GRM7: variants seen among roughly 807,000 people sequenced by gnomAD.
The protein encoded by GRM7 is metabotropic glutamate receptor 7.
A neutral mutation model predicts 84.5 loss-of-function variants in GRM7; 35 were observed. The ratio of observed to expected loss-of-function variants is 0.41; its 90% CI spans 0.32 to 0.55. The LOEUF (loss-of-function observed/expected upper bound fraction) is 0.55, where lower values mean the gene tolerates loss of function less well. Ranked by LOEUF, GRM7 falls within the 20% of genes least tolerant of loss-of-function variation. The probability of loss-of-function intolerance (pLI) is 0.19; values close to 1 mark genes in which losing one functional copy is unlikely to be tolerated. For synonymous variants in GRM7, 487 were observed against 455.1 expected (o/e 1.07, Z -0.89); for missense variants, 1,003 against 1,194.6 (o/e 0.84, Z 2.36).
At chr3:6,913,163 T>C (rs1268627281) in intron 1 of GRM7, among the ~76,000 whole-genome samples, 1 of 152,190 alleles carries the variant, frequency 6.6e-6, no homozygotes, top group Non-Finnish European at 1.5e-5. Flanking sequence ...TTTTAATATA[T>C]GTAGCTATAT....
At chr3:7,207,786 A>G (rs1252829385) in intron 2 of GRM7, among the ~76,000 whole-genome samples, 2 of 152,218 alleles carry the variant, frequency 1.3e-5, no homozygotes, top group Non-Finnish European at 2.9e-5. Flanking sequence ...CTACTAGCAC[A>G]ACTTTCAGAA....
At chr3:7,530,408 G>A (rs1337644843) in intron 7 of GRM7, among the ~76,000 whole-genome samples, 2 of 152,130 alleles carry the variant, frequency 1.3e-5, no homozygotes, top group Non-Finnish European at 2.9e-5. Flanking sequence ...AAACAAATGT[G>A]TGCATGTGTC....
chr3:6,939,237 T>C (rs1697803094), intron 1 of GRM7, among the ~76,000 whole-genome samples: 1 of 152,154 alleles, frequency 6.6e-6, no homozygotes, highest in African/African-American at 2.4e-5. Context: ...TAGGCTTTAG[T>C]TGTAATAAGA....
At chr3:7,607,700 A>G (rs1292888075) in intron 8 of GRM7, 1 of 147,894 alleles carries the variant, frequency 6.8e-6, no homozygotes, top group Non-Finnish European at 1.5e-5. Context: ...TCATTTCAGC[A>G]GACTCACAGA....
intron 7 of GRM7, among the ~76,000 whole-genome samples, chr3:7,529,771 G>T (rs1213487016): frequency 1.3e-5 from 2 of 151,934 alleles, no homozygotes; most frequent in Non-Finnish European, 2.9e-5. Context: ...ACCCCTACCA[G>T]CCCTGTTCTA....
At chr3:7,340,492 G>C (rs912342727) in intron 4 of GRM7, among the ~76,000 whole-genome samples, 6 of 152,074 alleles carry the variant, frequency 3.9e-5, no homozygotes, top group Non-Finnish European at 7.4e-5. Context: ...CATGAGAACA[G>C]TATGGGAGAA....
chr3:6,916,529 A>T (rs995214014), intron 1 of GRM7, among the ~76,000 whole-genome samples: 1 of 152,170 alleles, frequency 6.6e-6, no homozygotes, highest in Non-Finnish European at 1.5e-5. Context: ...GAGGCTGGGA[A>T]GTCCACAATC....
At chr3:7,194,600 A>G (rs1380888161) in intron 2 of GRM7, among the ~76,000 whole-genome samples, 1 of 152,068 alleles carries the variant, frequency 6.6e-6, no homozygotes, top group Non-Finnish European at 1.5e-5. Context: ...CCTTCCTCTC[A>G]CAGCAACCAG....
Position 7,608,273 on chromosome 3 carries a change from G to C in GRM7, c.2451+28916G>C, listed in dbSNP as rs116742258. Reference sequence around the variant, plus strand: ...AGTAATGAGATTGCTGGGTCAAGTAGTAATTCCACTTTTAGCTTTTTGAGG... The same window carrying C: ...AGTAATGAGATTGCTGGGTCAAGTACTAATTCCACTTTTAGCTTTTTGAGG... On this transcript the variant is annotated intron_variant, in intron 8 of 9. Coordinates refer to ENST00000357716, the MANE Select transcript of GRM7 (RefSeq NM_000844.4). Among the ~76,000 whole-genome samples the C allele has an allele frequency of 4.7e-3, 721 of 152,264 alleles. 5 individuals are homozygous for C. Among genetic ancestry groups the C allele is most frequent in the African/African-American group, 0.017 (693 of 41,556 alleles).
At chr3:7,288,912 A>G (rs1317049743) in intron 2 of GRM7, among the ~76,000 whole-genome samples, 1 of 152,156 alleles carries the variant, frequency 6.6e-6, no homozygotes, top group African/African-American at 2.4e-5. Context: ...AGTTTTCTGG[A>G]TGGATCCCAC....
At chr3:7,222,174 A>G (rs1177780041) in intron 2 of GRM7, among the ~76,000 whole-genome samples, 1 of 152,130 alleles carries the variant, frequency 6.6e-6, no homozygotes, top group Non-Finnish European at 1.5e-5. Flanking sequence ...GTGAATCATC[A>G]TCAACAAAAT....
chr3:7,141,832 TATTA>T (rs548248203), intron 1 of GRM7, among the ~76,000 whole-genome samples: 181 of 152,238 alleles, frequency 1.2e-3, no homozygotes, highest in African/African-American at 4.0e-3. Context: ...ATTAAAGAAT[TATTA>T]ATTAATAAAT....
rs140958022 is a variant in GRM7, at chr3:7,626,316, C to T, written c.2451+46959C>T. 3.3e-5 allele frequency among the ~76,000 whole-genome samples: 5 copies of T among 152,258 alleles called. No homozygotes were observed. The East Asian group carries it at 9.7e-4, about 29-fold the overall frequency. ...ATACATTAAACTTTCTAACATGAAA[C>T]GTCCAGAAGGCAACTAGAGTTACTC... is the stretch of plus-strand genomic sequence containing the variant. On this transcript the variant is annotated intron_variant, in intron 8 of 9. Transcript: ENST00000357716.
intron 2 of GRM7, among the ~76,000 whole-genome samples, chr3:7,211,375 A>G (rs999462912): frequency 6.6e-6 from 1 of 152,058 alleles, no homozygotes; most frequent in Admixed American, 6.6e-5. Flanking sequence ...CTTTAATAGC[A>G]CCCTCTGGGA....
chr3:7,367,002 C>G (rs1258049086), intron 4 of GRM7, among the ~76,000 whole-genome samples: 1 of 151,596 alleles, frequency 6.6e-6, no homozygotes, highest in African/African-American at 2.4e-5. Flanking sequence ...ATTAATTACC[C>G]TAAGGATTCT....
intron 3 of GRM7, among the ~76,000 whole-genome samples, chr3:7,304,526 T>C (rs902153699): frequency 2.0e-5 from 3 of 151,848 alleles, no homozygotes; most frequent in African/African-American, 7.2e-5. Flanking sequence ...TTATTAAAAA[T>C]AATATTTAAA....
rs532985684 is a variant in GRM7 at position 6,909,529 on chromosome 3, A to T, written c.519+47622A>T. Among the ~76,000 whole-genome samples, 3 of 152,242 alleles carry T rather than the reference A, an allele frequency of 2.0e-5. No homozygotes were observed. In the South Asian group the frequency reaches 6.2e-4, roughly 32 times the overall value. Reference sequence around the variant, plus strand: ...CCTTGACTCAGATTAAGATCTCAGAAATGTTAGTTAGATGGGTGGATCAAT... The same window carrying T: ...CCTTGACTCAGATTAAGATCTCAGATATGTTAGTTAGATGGGTGGATCAAT... On this transcript the variant is annotated intron_variant, in intron 1 of 9. Coordinates refer to ENST00000357716, the MANE Select transcript of GRM7 (RefSeq NM_000844.4).
At chr3:7,225,197 A>G (rs1250089459) in intron 2 of GRM7, among the ~76,000 whole-genome samples, 2 of 151,830 alleles carry the variant, frequency 1.3e-5, no homozygotes, top group East Asian at 1.9e-4. Context: ...GGATTAATGC[A>G]TTATAAATTA....
chr3:7,618,972 T>C (rs930520553), intron 8 of GRM7, among the ~76,000 whole-genome samples: 3 of 152,176 alleles, frequency 2.0e-5, no homozygotes, highest in Admixed American at 1.3e-4. Flanking sequence ...AAAAAAGAAT[T>C]TATTTTCAGA....
Sources: gnomAD v4.1 joint callset for allele counts (sites outside exome capture counted in the v4.1 genomes callset) on GRCh38, gnomAD v4.1.1 for gene constraint, MANE v1.5 for transcripts, NCBI Gene and HGNC (gene_info 2026-07-23, HGNC 2026-07-21) for gene names.